The following AXDND1 variants were observed in gnomAD, a reference collection of about 807,000 sequenced individuals.
AXDND1 encodes axonemal dynein light chain domain-containing protein 1.
A neutral mutation model predicts 137.5 loss-of-function variants in AXDND1; 110 were observed. The observed-to-expected ratio is 0.80, with a 90% CI of 0.69 to 0.94. The LOEUF (loss-of-function observed/expected upper bound fraction) is 0.94, where lower values mean the gene tolerates loss of function less well. AXDND1 is among the 40% of genes least tolerant of loss of function. AXDND1 has a pLI of 0.00. For synonymous variants in AXDND1, 414 were observed against 399.7 expected, an observed-to-expected ratio of 1.04 and a Z score of -0.43; for missense variants, 1,191 against 1,169.8, an observed-to-expected ratio of 1.02 and a Z score of -0.26.
At chr1:179,446,036 T>C (rs957755159) in intron 16 of AXDND1, among the ~76,000 whole-genome samples, 2 of 152,182 alleles carry the variant, frequency 1.3e-5, no homozygotes, top group African/African-American at 2.4e-5. Flanking sequence ...GCCATACTAG[T>C]GGGTGTAAAA....
At chr1:179,379,811 A>G (rs1178595281) in intron 6 of AXDND1, among the ~76,000 whole-genome samples, 1 of 151,504 alleles carries the variant, frequency 6.6e-6, no homozygotes, top group Non-Finnish European at 1.5e-5. Flanking sequence ...AAAAAAAAAA[A>G]AAAAAAGAAA....
intron 11 of AXDND1, among the ~76,000 whole-genome samples, chr1:179,407,952 T>C (rs886893785): frequency 1.3e-5 from 2 of 152,186 alleles, no homozygotes; most frequent in African/African-American, 4.8e-5. Flanking sequence ...TTTCAATTCA[T>C]TTCTCTCTCT....
intron 4 of AXDND1, among the ~76,000 whole-genome samples, chr1:179,372,040 G>T (rs1023556484): frequency 6.6e-6 from 1 of 152,120 alleles, no homozygotes; most frequent in Admixed American, 6.6e-5. Flanking sequence ...AGAGCAGTAA[G>T]ATAATAAATT....
At chr1:179,500,594 A>G (rs1292794239) in intron 20 of AXDND1, among the ~76,000 whole-genome samples, 1 of 152,170 alleles carries the variant, frequency 6.6e-6, no homozygotes, top group Non-Finnish European at 1.5e-5. Context: ...TAAAGATGTC[A>G]ATTCTCCTCA....
chr1:179,444,563 A>T lies in AXDND1; in HGVS notation c.1564-407A>T, dbSNP rs189245899. On this transcript the variant is annotated intron_variant, in intron 15 of 25. Transcript: ENST00000367618. ...TTGGGTTTACACAGATAAACAAAACATGAATAAAATACAACTTGTATATTC... is the reference window on the plus strand; with the variant it reads ...TTGGGTTTACACAGATAAACAAAACTTGAATAAAATACAACTTGTATATTC... 6.6e-5 allele frequency among the ~76,000 whole-genome samples: 10 copies of T among 152,044 alleles called. No homozygotes were observed. In the East Asian group the frequency reaches 1.9e-3, roughly 29 times the overall value.
intron 16 of AXDND1, among the ~76,000 whole-genome samples, chr1:179,461,185 G>T (rs867757284): frequency 1.3e-5 from 2 of 152,220 alleles, no homozygotes; most frequent in African/African-American, 2.4e-5. Context: ...ATGGTTTTAG[G>T]TCTAACATTT....
At chr1:179,391,358 G>A (rs1038089349) in intron 9 of AXDND1, among the ~76,000 whole-genome samples, 9 of 151,782 alleles carry the variant, frequency 5.9e-5, no homozygotes, top group African/African-American at 1.5e-4. Context: ...GTATGGTTTG[G>A]CTGTGTCCCC....
In AXDND1 at chr1:179,369,936, C is replaced by T. The variant is rs762236572; in HGVS notation, c.271-39C>T. 3.4e-6 allele frequency: 5 copies of T among 1,455,716 alleles called. No homozygotes were observed. The Admixed American group carries it at 5.1e-5, about 15-fold the overall frequency. 90.2% of individuals were successfully genotyped at this position (1,455,716 alleles called of 1,614,324 possible). On this transcript the variant is annotated intron_variant, in intron 3 of 25. Transcript: ENST00000367618. ...TAATACATTTTATTTGATTAGATCG[C>T]CCTCTGCTGGATATTCATGTGTATT...
chr1:179,540,705 T>C (rs748128897), intron 25 of AXDND1, among the ~76,000 whole-genome samples: 1 of 152,184 alleles, frequency 6.6e-6, no homozygotes, highest in Non-Finnish European at 1.5e-5. Flanking sequence ...CTGTCTGTTA[T>C]CAGAGCTCGA....
intron 17 of AXDND1, among the ~76,000 whole-genome samples, chr1:179,472,117 G>A (rs147021365): frequency 0.017 from 2,551 of 152,202 alleles, 29 homozygotes; most frequent in Non-Finnish European, 0.025. Context: ...GGCTAGTCTC[G>A]AATTCCTGAC....
chr1:179,486,432 A>G (rs1343149665), intron 18 of AXDND1, among the ~76,000 whole-genome samples: 1 of 152,216 alleles, frequency 6.6e-6, no homozygotes, highest in African/African-American at 2.4e-5. Context: ...GAAAATTTTC[A>G]CAACCTCACT....
Position 179,379,386 on chromosome 1 carries a change from T to A in AXDND1, c.496-11T>A. ...ATTCATTCTTTTATTTTGCTTTTCT[T>A]TTCTTTTAAGCCAAAGACACTAACA... is the stretch of plus-strand genomic sequence containing the variant. On this transcript the variant is annotated splice_polypyrimidine_tract_variant and intron_variant, in intron 5 of 25. Coordinates refer to ENST00000367618, the MANE Select transcript of AXDND1 (RefSeq NM_144696.6). 1 of 1,611,580 alleles carries A rather than the reference T, an allele frequency of 6.2e-7. No individual in the cohort carries two copies. Among genetic ancestry groups the A allele is most frequent in the Non-Finnish European group, 8.5e-7 (1 of 1,179,074 alleles).
At chr1:179,392,367 C>T (rs55633930) in intron 9 of AXDND1, among the ~76,000 whole-genome samples, 16,209 of 152,280 alleles carry the variant, frequency 0.11, 987 homozygotes, top group African/African-American at 0.14. Flanking sequence ...TCTTTATCCA[C>T]TCATTGCTTG....
At chr1:179,388,976 C>CT (rs11373996) in intron 9 of AXDND1, among the ~76,000 whole-genome samples, 5,186 of 112,378 alleles carry the variant, frequency 0.046, 492 homozygotes, top group African/African-American at 0.14. Context: ...TTTTTAGATT[C>CT]TTTTTTTTTT....
intron 21 of AXDND1, among the ~76,000 whole-genome samples, chr1:179,513,043 G>A (rs1669201450): frequency 6.6e-6 from 1 of 152,128 alleles, no homozygotes; most frequent in African/African-American, 2.4e-5. Flanking sequence ...CAATTTGGGT[G>A]TCCTTTATTT....
intron 25 of AXDND1, among the ~76,000 whole-genome samples, chr1:179,550,280 T>C (rs1219746750): frequency 1.3e-5 from 2 of 152,218 alleles, no homozygotes; most frequent in African/African-American, 4.8e-5. Context: ...TGCAAATTAA[T>C]GGAAAATAAG....
chr1:179,462,143 T>C (rs1289916175), intron 16 of AXDND1, among the ~76,000 whole-genome samples: 1 of 152,198 alleles, frequency 6.6e-6, no homozygotes. Flanking sequence ...AGGGAATGCT[T>C]CCTGTTTTTG....
At position 179,432,678 on chromosome 1, in the gene AXDND1, G is replaced by A. The variant is rs542537441; in HGVS notation, c.1563+336G>A. ...TGACCTGAAGTGATCCACCCACCTC[G>A]GCCTCCCAAAGTGTTGGGATTACAG... On this transcript the variant is annotated intron_variant, in intron 15 of 25. Transcript: ENST00000367618. Among the ~76,000 whole-genome samples, 95 of 152,104 alleles carry A rather than the reference G, an allele frequency of 6.2e-4. 1 individual carries two copies. Among genetic ancestry groups the A allele is most frequent in the Non-Finnish European group, 1.1e-3 (76 of 68,026 alleles).
chr1:179,374,538 C>T (rs568210356), intron 4 of AXDND1, among the ~76,000 whole-genome samples: 22 of 152,172 alleles, frequency 1.4e-4, no homozygotes, highest in African/African-American at 3.6e-4. Flanking sequence ...ATGTTTATTG[C>T]GGCACTATTC....
Sources: gnomAD v4.1 joint callset for allele counts (sites outside exome capture counted in the v4.1 genomes callset) on GRCh38, gnomAD v4.1.1 for gene constraint, MANE v1.5 for transcripts, NCBI Gene and HGNC (gene_info 2026-07-23, HGNC 2026-07-21) for gene names.